The following CFLAR variants were observed in gnomAD, a reference collection of about 807,000 sequenced individuals.
CFLAR encodes the protein CASP8 and FADD-like apoptosis regulator.
CFLAR carries 14 observed loss-of-function variants against 51.1 expected under a neutral mutation model. The ratio of observed to expected loss-of-function variants is 0.27; its 90% CI spans 0.18 to 0.43. The LOEUF (loss-of-function observed/expected upper bound fraction) is 0.43. CFLAR is among the 20% of genes least tolerant of loss of function. The pLI is 1.00. For missense variants in CFLAR, 390 were observed against 566.5 expected (o/e 0.69, Z 3.16); for synonymous variants, 210 against 211.6 (o/e 0.99, Z 0.06).
chr2:201,153,903 C>CTTTTTTTTTT (rs747813572), intron 8 of CFLAR, among the ~76,000 whole-genome samples: 144 of 103,060 alleles, frequency 1.4e-3, no homozygotes, highest in East Asian at 1.8e-3. Context: ...TCTTTTCTTT[C>CTTTTTTTTTT]TTTTTTTTTT....
intron 8 of CFLAR, among the ~76,000 whole-genome samples, chr2:201,151,698 A>G (rs1202778746): frequency 1.3e-5 from 2 of 151,604 alleles, no homozygotes; most frequent in Non-Finnish European, 2.9e-5. Context: ...TAGATGTTGT[A>G]CGTATATCTG....
intron 5 of CFLAR, chr2:201,141,554 T>G: frequency 3.0e-6 from 4 of 1,311,614 alleles, no homozygotes; most frequent in Non-Finnish European, 2.9e-6. Context: ...TCCAATCTTT[T>G]GTTACTACTA....
intron 5 of CFLAR, 34 bp from the exon 6 acceptor site, chr2:201,145,344 A>G: frequency 1.5e-6 from 2 of 1,333,172 alleles, no homozygotes; most frequent in East Asian, 2.3e-5. Flanking sequence ...GAAATAACTA[A>G]CAGGAAGTAT....
chr2:201,162,799 G>A, intron 9 of CFLAR: 1 of 487,290 alleles, frequency 2.1e-6, no homozygotes, highest in Non-Finnish European at 3.8e-6. Flanking sequence ...TTTAACAGTA[G>A]ATCACAAACA....
In CFLAR at chr2:201,138,253, G is replaced by T. The variant is rs2050410709; in HGVS notation, c.524-2104G>T. ...TCCCTTGGGACGAGTCCAAGCCTAT[G>T]ACATTGACGCCTACCTGGGTGAGCA... On this transcript the variant is annotated intron_variant, in intron 4 of 9. Transcript: ENST00000309955. This position sits in a 1 kb window ranked among gnomAD's most constrained non-coding sequence, Gnocchi z 4.0. The T allele has an allele frequency of 9.5e-6, 8 of 845,700 alleles. No homozygotes were observed. The highest frequency in any genetic ancestry group is 7.9e-5 in the South Asian group (6 of 75,968). 52.4% of individuals were successfully genotyped at this position (845,700 alleles called of 1,614,324 possible). A position where few individuals can be genotyped will look rare whatever the true frequency, so the allele number is the denominator to read the frequency against.
chr2:201,140,759 G>GTATATA (rs750211537), intron 5 of CFLAR: 5 of 97,812 alleles, frequency 5.1e-5, no homozygotes, highest in African/African-American at 2.9e-4. Context: ...CTGTATGTAT[G>GTATATA]TATATATATA....
chr2:201,153,095 A>C (rs1349757558), intron 8 of CFLAR: 1 of 152,144 alleles, frequency 6.6e-6, no homozygotes, highest in Non-Finnish European at 1.5e-5. Context: ...ATTAGAGGGT[A>C]CCCTGGATGC....
intron 1 of CFLAR, among the ~76,000 whole-genome samples, chr2:201,128,335 TA>T (rs1417390397): frequency 6.6e-6 from 1 of 152,088 alleles, no homozygotes; most frequent in East Asian, 1.9e-4. Flanking sequence ...ATCTTTCTGA[TA>T]AAAAAAAGTA....
chr2:201,160,323 A>G (rs759760591), intron 8 of CFLAR, 109 bp from the exon 9 acceptor site: 23 of 1,184,746 alleles, frequency 1.9e-5, no homozygotes, highest in Non-Finnish European at 2.7e-5. Flanking sequence ...ACACAAAAGC[A>G]GAAGCTTTTC....
At chr2:201,119,208 A>G (rs2047921284) in intron 1 of CFLAR, 1 of 152,290 alleles carries the variant, frequency 6.6e-6, no homozygotes, top group South Asian at 2.1e-4. Flanking sequence ...TTAATTCAGT[A>G]TAATCCTACC....
intron 5 of CFLAR, chr2:201,141,479 G>T: frequency 6.5e-7 from 1 of 1,533,712 alleles, no homozygotes; most frequent in Non-Finnish European, 8.8e-7. Flanking sequence ...TGATTAAATC[G>T]TTTCATTTTC....
In CFLAR at chr2:201,168,244, AAATAAATAAATAAATAAAT is replaced by A. The variant is rs1247841478; in HGVS notation, c.*4282_*4300del. On this transcript the variant is annotated 3_prime_UTR_variant, in exon 10 of 10. Coordinates refer to ENST00000309955, the MANE Select transcript of CFLAR (RefSeq NM_003879.7). ...GCGACAGTGCGAGACTCTGTCTCAA[AAATAAATAAATAAATAAAT>A]AATAAATAAAATGTTTGGAATGTTG... 2.0e-5 allele frequency: 3 copies of A among 150,902 alleles called. No homozygotes were observed. The highest frequency in any genetic ancestry group is 4.4e-5 in the Non-Finnish European group (3 of 67,752). The allele number at this position is 150,902 out of a possible 1,614,324, so 9.3% of individuals were successfully genotyped here.
In CFLAR at chr2:201,168,556, C is replaced by T. The variant is rs1300687983; in HGVS notation, c.*4583C>T. The T allele has an allele frequency of 6.6e-6, 1 of 152,142 alleles. No individual in the cohort carries two copies. Among genetic ancestry groups the T allele is most frequent in the Non-Finnish European group, 1.5e-5 (1 of 68,034 alleles). 9.4% of individuals were successfully genotyped at this position (152,142 alleles called of 1,614,324 possible). On this transcript the variant is annotated 3_prime_UTR_variant, in exon 10 of 10. Transcript: ENST00000309955. ...AAGCTGGAAGCATTCCCCTTGAAAA[C>T]TGGCACAAGACAGGGATGCCGTCTC...
chr2:201,141,096 G>A (rs1938706222), intron 5 of CFLAR, among the ~76,000 whole-genome samples: 1 of 152,122 alleles, frequency 6.6e-6, no homozygotes, highest in Non-Finnish European at 1.5e-5. Flanking sequence ...GCCAGGTATG[G>A]TGGCAGGTGC....
intron 5 of CFLAR, among the ~76,000 whole-genome samples, chr2:201,140,960 G>A (rs927112464): frequency 6.6e-6 from 1 of 152,136 alleles, no homozygotes; most frequent in African/African-American, 2.4e-5. Flanking sequence ...CCCGGGTGCG[G>A]TGGCTCATGC....
chr2:201,146,301 C>T (rs1940149841), intron 6 of CFLAR: 1 of 152,148 alleles, frequency 6.6e-6, no homozygotes, highest in Admixed American at 6.6e-5. Flanking sequence ...CTTGTGCCAC[C>T]ACACCCAGTT....
At chr2:201,117,814 G>A (rs1046977240) in intron 1 of CFLAR, among the ~76,000 whole-genome samples, 4 of 139,214 alleles carry the variant, frequency 2.9e-5, no homozygotes, top group Non-Finnish European at 4.5e-5. Flanking sequence ...GGAATGCAAT[G>A]GCACTATCTC....
chr2:201,141,255 C>T, intron 5 of CFLAR: 1 of 1,369,592 alleles, frequency 7.3e-7, no homozygotes, highest in Non-Finnish European at 9.7e-7. Context: ...CTTCCTACCC[C>T]TATAATACTG....
intron 9 of CFLAR, 165 bp from the exon 10 acceptor site, chr2:201,163,668 CCA>C: frequency 7.0e-7 from 1 of 1,422,574 alleles, no homozygotes; most frequent in Non-Finnish European, 9.2e-7. Context: ...GGCCATCAGG[CCA>C]GAGTATTGCA....
Sources: gnomAD v4.1 joint callset for allele counts (sites outside exome capture counted in the v4.1 genomes callset) on GRCh38, gnomAD v4.1.1 for gene constraint, Gnocchi (gnomAD v3.1) non-coding constraint, MANE v1.5 for transcripts, NCBI Gene and HGNC (gene_info 2026-07-23, HGNC 2026-07-21) for gene names.